SORL1: variants seen among roughly 807,000 people sequenced by gnomAD.
The protein encoded by SORL1 is sortilin related receptor 1.
In SORL1, 127 loss-of-function variants were observed where a neutral mutation model predicts 273.7. That is an observed-to-expected ratio of 0.46 (90% CI 0.40 to 0.54). The LOEUF is 0.54. Among genes scored for constraint, SORL1 ranks in the 20% least tolerant of loss-of-function variants. The probability of loss-of-function intolerance (pLI) is 0.00; values close to 1 mark genes in which losing one functional copy is unlikely to be tolerated. For missense variants in SORL1, 2,494 were observed against 2,846.1 expected (o/e 0.88, Z 2.81); for synonymous variants, 1,031 against 1,067.4 (o/e 0.97, Z 0.66).
At chr11:121,625,416 T>G in intron 46 of SORL1, 139 bp downstream of exon 46, 1 of 708,362 alleles carries the variant, frequency 1.4e-6, no homozygotes, top group Middle Eastern at 4.1e-4. Context: ...ATATATCAGT[T>G]TGGTCAGGTA....
chr11:121,487,974 G>C, intron 3 of SORL1, 58 bp from the exon 4 acceptor site: 2 of 1,582,356 alleles, frequency 1.3e-6, no homozygotes, highest in Middle Eastern at 1.7e-4. Flanking sequence ...ATGGTTTAGG[G>C]GAGTGTTGGG....
intron 39 of SORL1, 159 bp from the exon 40 acceptor site, chr11:121,612,577 G>A (rs961692247): frequency 4.4e-5 from 25 of 565,486 alleles, no homozygotes; most frequent in Admixed American, 4.1e-4. Context: ...GGTAGCACAA[G>A]TAGAACCTGT....
Position 121,605,218 on chromosome 11 carries a change from G to T in SORL1, c.4757G>T (p.Cys1586Phe), listed in dbSNP as rs772703343. ...MRPKKMPSAS[C>F]VYNVYYRVVG... is the part of the protein sequence containing the mutation. ...CCCAAAAAAATGCCCTCTGCTTCTT[G>T]TGTATATAATGTCTACTACAGGTAG... Residue 1586 changes from cysteine (C) to phenylalanine (F), a missense_variant, in exon 34 of 48, where the codon TGT becomes TTT. Cys to Phe is a radical substitution (Grantham distance 205). Coordinates refer to ENST00000260197, the MANE Select transcript of SORL1 (RefSeq NM_003105.6). The T allele has an allele frequency of 6.2e-7, 1 of 1,613,334 alleles. No individual in the cohort carries two copies. The highest frequency in any genetic ancestry group is 8.5e-7 in the Non-Finnish European group (1 of 1,179,726).
chr11:121,523,047 G>A (rs553203149), intron 11 of SORL1, 58 bp downstream of exon 11: 2 of 1,167,562 alleles, frequency 1.7e-6, no homozygotes, highest in South Asian at 1.2e-5. Flanking sequence ...GTGTGAGAAT[G>A]TAGACTGTGC....
chr11:121,605,495 G>A lies in SORL1; in HGVS notation c.4872G>A (p.Gln1624=), dbSNP rs777428796. Residue 1624 remains glutamine (Q), a synonymous_variant, in exon 35 of 48, where the codon CAG becomes CAA. Transcript: ENST00000260197. Reference sequence around the variant, plus strand: ...TCTTGAAACCAGATACCACGTATCAGGTTAAAGTACAGGTTCAGTGTCTCA... The same window carrying A: ...TCTTGAAACCAGATACCACGTATCAAGTTAAAGTACAGGTTCAGTGTCTCA... The part of the protein sequence containing the change: ...LKVLKPDTTY[Q]VKVQVQCLSK... 6.2e-7 allele frequency: 1 copy of A among 1,614,150 alleles called. No individual in the cohort carries two copies. Among genetic ancestry groups the A allele is most frequent in the Admixed American group, 1.7e-5 (1 of 60,020 alleles).
chr11:121,604,409 G>C, intron 33 of SORL1, 85 bp downstream of exon 33: 1 of 1,509,358 alleles, frequency 6.6e-7, no homozygotes, highest in Non-Finnish European at 8.9e-7. Flanking sequence ...TAGACCTTGA[G>C]CTAGGACCCT....
chr11:121,460,052 T>A (rs553808317), intron 1 of SORL1, among the ~76,000 whole-genome samples: 7 of 152,356 alleles, frequency 4.6e-5, no homozygotes, highest in African/African-American at 1.4e-4. Flanking sequence ...GATGTGATTA[T>A]ATCCCAAATC....
At chr11:121,556,994 A>C (rs1862596997) in intron 18 of SORL1, 3 of 313,820 alleles carry the variant, frequency 9.6e-6, no homozygotes, top group Non-Finnish European at 1.8e-5. Context: ...GAAATAAGTA[A>C]ATGCTCATTT....
intron 5 of SORL1, among the ~76,000 whole-genome samples, chr11:121,496,158 C>T (rs1286742767): frequency 1.3e-5 from 2 of 152,214 alleles, no homozygotes; most frequent in African/African-American, 4.8e-5. Context: ...AAGACTTGAA[C>T]TTGATGACAG....
At chr11:121,615,811 G>A (rs868773188) in intron 41 of SORL1, among the ~76,000 whole-genome samples, 2 of 152,180 alleles carry the variant, frequency 1.3e-5, no homozygotes, top group South Asian at 2.1e-4. Context: ...CAGCCAGTAA[G>A]TGCCAGGAAC....
intron 23 of SORL1, among the ~76,000 whole-genome samples, chr11:121,571,441 G>A (rs1398713785): frequency 6.6e-6 from 1 of 152,276 alleles, no homozygotes; most frequent in African/African-American, 2.4e-5. Context: ...GATGTCATGT[G>A]ATGAAAGTTC....
rs763216743 is a variant in SORL1 at position 121,583,426 on chromosome 11, G to T, written c.3581-32G>T. ...AGTTGGTGGGGGATGGAGATGAGGG[G>T]TGTGCGACTGTGTCTCTCTTCTCTG... On this transcript the variant is annotated intron_variant, in intron 25 of 47. Coordinates refer to ENST00000260197, the MANE Select transcript of SORL1 (RefSeq NM_003105.6). 3.8e-6 allele frequency: 6 copies of T among 1,598,138 alleles called. No homozygotes were observed. In the East Asian group the frequency reaches 9.1e-5, roughly 24 times the overall value.
intron 31 of SORL1, among the ~76,000 whole-genome samples, chr11:121,594,209 T>C (rs1289902481): frequency 6.6e-6 from 1 of 152,184 alleles, no homozygotes; most frequent in Admixed American, 6.5e-5. Flanking sequence ...CACAATGATG[T>C]GCTTTGCTCT....
chr11:121,453,044 A>G (rs1860834919), intron 1 of SORL1: 1 of 161,974 alleles, frequency 6.2e-6, no homozygotes, highest in African/African-American at 2.4e-5. Context: ...TAGCATTATT[A>G]GCACAATAAA....
rs200837924 is a variant in SORL1, at chr11:121,550,573, G to A, written c.2181-12G>A. 1.3e-5 allele frequency: 21 copies of A among 1,613,688 alleles called. No individual in the cohort carries two copies. The highest frequency in any genetic ancestry group is 2.2e-5 in the East Asian group (1 of 44,876). Reference sequence around the variant, plus strand: ...ATGTTTCTGACCTCTTGCTCTTGGGGTGGGGTGACAGCTACCGGAAGATTT... The same window carrying A: ...ATGTTTCTGACCTCTTGCTCTTGGGATGGGGTGACAGCTACCGGAAGATTT... On this transcript the variant is annotated splice_polypyrimidine_tract_variant and intron_variant, in intron 15 of 47. Coordinates refer to ENST00000260197, the MANE Select transcript of SORL1 (RefSeq NM_003105.6). This position sits in a 1 kb window ranked among gnomAD's most constrained non-coding sequence, Gnocchi z 5.3.
chr11:121,465,864 A>AGGCAGAGGGC (rs1861074567), intron 1 of SORL1, among the ~76,000 whole-genome samples: 2 of 152,094 alleles, frequency 1.3e-5, no homozygotes, highest in South Asian at 4.2e-4. Context: ...CCTGGGCTCC[A>AGGCAGAGGGC]GGCAGAGGGC....
chr11:121,518,945 CTTTTTCTTTTTTTT>C (rs1861993062), intron 8 of SORL1, among the ~76,000 whole-genome samples: 1 of 147,770 alleles, frequency 6.8e-6, no homozygotes, highest in Non-Finnish European at 1.5e-5. Context: ...AGTCTTTTTT[CTTTTTCTTTTTTTT>C]TTTTTTTGAG....
intron 12 of SORL1, among the ~76,000 whole-genome samples, chr11:121,533,678 G>C (rs769188765): frequency 6.6e-6 from 1 of 152,166 alleles, no homozygotes; most frequent in Admixed American, 6.5e-5. Context: ...TTTTAGAAAC[G>C]GGGCCAGCAG....
intron 2 of SORL1, 82 bp from the exon 3 acceptor site, chr11:121,478,036 A>G (rs1232788248): frequency 9.7e-6 from 4 of 410,482 alleles, no homozygotes; most frequent in Non-Finnish European, 1.5e-5. Context: ...CAGTCTCAAA[A>G]AAAAAAAAAA....
Sources: gnomAD v4.1 joint callset for allele counts (sites outside exome capture counted in the v4.1 genomes callset) on GRCh38, gnomAD v4.1.1 for gene constraint, Gnocchi (gnomAD v3.1) non-coding constraint, MANE v1.5 for transcripts, NCBI Gene and HGNC (gene_info 2026-07-23, HGNC 2026-07-21) for gene names.